RECK: variants seen among roughly 807,000 people sequenced by gnomAD.
The protein encoded by RECK is reversion-inducing cysteine-rich protein with Kazal motifs.
RECK carries 69 observed loss-of-function variants against 115.1 expected under a neutral mutation model. The ratio of observed to expected loss-of-function variants is 0.60; its 90% CI spans 0.49 to 0.73. RECK has a LOEUF of 0.73. RECK is among the 30% of genes least tolerant of loss of function. The pLI is 0.00. For missense variants in RECK, 1,047 were observed against 1,203.7 expected (o/e 0.87, Z 1.93); for synonymous variants, 414 against 419.7 (o/e 0.99, Z 0.17).
rs149865463 is a variant in RECK, at chr9:36,090,537, G to A, written c.906-627G>A. Among the ~76,000 whole-genome samples the A allele has an allele frequency of 5.3e-3, 807 of 152,238 alleles. 14 individuals carry two copies. Among genetic ancestry groups the A allele is most frequent in the African/African-American group, 0.019 (778 of 41,552 alleles). On this transcript the variant is annotated intron_variant, in intron 9 of 20. Transcript: ENST00000377966. ...AATAAAATGAATATCATGTGTGAGA[G>A]CACTTTAGAAATGGTATAAATGTTT...
chr9:36,059,207 A>T (rs1162242033), intron 3 of RECK, among the ~76,000 whole-genome samples: 1 of 152,162 alleles, frequency 6.6e-6, no homozygotes, highest in Non-Finnish European at 1.5e-5. Context: ...CTGTAATCCC[A>T]GCACTTTGGG....
intron 15 of RECK, among the ~76,000 whole-genome samples, 183 bp from the exon 16 acceptor site, chr9:36,112,122 C>CAAAAAAAAAA (rs58460262): frequency 1.4e-5 from 1 of 71,648 alleles, no homozygotes; most frequent in Non-Finnish European, 2.6e-5. Context: ...GACTCCATCT[C>CAAAAAAAAAA]AAAAAAAAAA....
At chr9:36,097,152 C>T (rs967308061) in intron 10 of RECK, among the ~76,000 whole-genome samples, 44 of 151,828 alleles carry the variant, frequency 2.9e-4, no homozygotes, top group African/African-American at 8.0e-4. Context: ...GGTGAAACCC[C>T]GTCTCTACTA....
In RECK at chr9:36,036,942, G is replaced by A. The variant is rs1820681791; in HGVS notation, c.-57G>A. ...GAGCGGCGGCGGTAGCGGCGGCAGC[G>A]GCTGCGGCCAAGCTGGGTCCGAGCA... On this transcript the variant is annotated 5_prime_UTR_variant, in exon 1 of 21. Coordinates refer to ENST00000377966, the MANE Select transcript of RECK (RefSeq NM_021111.3). 2.5e-6 allele frequency: 3 copies of A among 1,177,352 alleles called. No individual in the cohort carries two copies. Among genetic ancestry groups the A allele is most frequent in the Non-Finnish European group, 3.3e-6 (3 of 920,162 alleles). 72.9% of individuals were successfully genotyped at this position (1,177,352 alleles called of 1,614,324 possible).
intron 18 of RECK, among the ~76,000 whole-genome samples, chr9:36,119,344 A>G (rs969497981): frequency 2.0e-5 from 3 of 152,264 alleles, no homozygotes; most frequent in African/African-American, 7.2e-5. Flanking sequence ...AGTAGTTTTG[A>G]TGAACACAAA....
chr9:36,074,072 T>C (rs1391371766), intron 6 of RECK, among the ~76,000 whole-genome samples: 3 of 152,200 alleles, frequency 2.0e-5, no homozygotes, highest in African/African-American at 7.2e-5. Context: ...TCATTACCTC[T>C]ATTGAACTAG....
chr9:36,118,983 C>G lies in RECK; in HGVS notation c.2464+16C>G. ...ATCCCACCGGGTAGGCTGGCAGTATCGGGGTGGACAGGGGAGGACTGAGAA... is the reference window on the plus strand; with the variant it reads ...ATCCCACCGGGTAGGCTGGCAGTATGGGGGTGGACAGGGGAGGACTGAGAA... On this transcript the variant is annotated intron_variant, in intron 18 of 20. Transcript: ENST00000377966. 1 of 1,609,656 alleles carries G rather than the reference C, an allele frequency of 6.2e-7. No individual in the cohort carries two copies. Among genetic ancestry groups the G allele is most frequent in the Admixed American group, 1.7e-5 (1 of 59,948 alleles).
At chr9:36,050,249 A>G (rs1174353092) in intron 1 of RECK, among the ~76,000 whole-genome samples, 2 of 151,966 alleles carry the variant, frequency 1.3e-5, no homozygotes, top group Admixed American at 6.6e-5. Flanking sequence ...ATTTCTGATC[A>G]TCTCTCTCTC....
chr9:36,053,781 T>C (rs1463093158), intron 2 of RECK, among the ~76,000 whole-genome samples: 1 of 152,222 alleles, frequency 6.6e-6, no homozygotes, highest in Non-Finnish European at 1.5e-5. Context: ...AAATCTGGAA[T>C]GCTAGAAATT....
intron 6 of RECK, among the ~76,000 whole-genome samples, chr9:36,076,701 T>G (rs1475399038): frequency 1.3e-5 from 2 of 152,122 alleles, no homozygotes; most frequent in African/African-American, 4.8e-5. Flanking sequence ...AGAGGAAAGA[T>G]TTTAGGATCA....
chr9:36,057,333 T>C (rs995977008), intron 2 of RECK, among the ~76,000 whole-genome samples: 1 of 152,196 alleles, frequency 6.6e-6, no homozygotes, highest in African/African-American at 2.4e-5. Context: ...ATCTTTTTTT[T>C]CTTCCTTCTC....
chr9:36,121,498 C>CT (rs565423537), intron 19 of RECK, 35 bp from the exon 20 acceptor site: 982 of 1,597,414 alleles, frequency 6.1e-4, no homozygotes, highest in Non-Finnish European at 8.0e-4. Flanking sequence ...AGGAATTCTT[C>CT]TTTTTTTCAG....
At chr9:36,087,209 C>A (rs900839078) in intron 8 of RECK, among the ~76,000 whole-genome samples, 22 of 152,164 alleles carry the variant, frequency 1.4e-4, no homozygotes, top group African/African-American at 4.8e-4. Context: ...TATTGCAGCA[C>A]TATTCACAGT....
intron 1 of RECK, among the ~76,000 whole-genome samples, chr9:36,044,177 C>T (rs556717907): frequency 1.3e-5 from 2 of 150,866 alleles, no homozygotes; most frequent in African/African-American, 2.4e-5. Context: ...TTGTAGAATT[C>T]TTTCACCTCC....
At chr9:36,111,858 A>G (rs757472937) in intron 15 of RECK, among the ~76,000 whole-genome samples, 1 of 152,002 alleles carries the variant, frequency 6.6e-6, no homozygotes, top group Non-Finnish European at 1.5e-5. Flanking sequence ...ATCAAAGTCT[A>G]GGGGGCCCTC....
In RECK at chr9:36,121,696, C is replaced by T; in HGVS notation, c.2694+8C>T. The T allele has an allele frequency of 6.2e-7, 1 of 1,613,056 alleles. No homozygotes were observed. The highest frequency in any genetic ancestry group is 8.5e-7 in the Non-Finnish European group (1 of 1,179,402). On this transcript the variant is annotated splice_region_variant and intron_variant, in intron 20 of 20. Coordinates refer to ENST00000377966, the MANE Select transcript of RECK (RefSeq NM_021111.3). ...TATCCAAAAGCTCTGCAGGTGAGTT[C>T]AGCACATGTTGTGAAGCCATCTTGT...
Position 36,118,866 on chromosome 9 carries a change from A to C in RECK, c.2363A>C (p.Gln788Pro). The stretch of plus-strand genomic sequence containing the variant: ...GCAGTCGATTACTATGGGGACTGCC[A>C]GGCCGTCGGAGTCCTCTCAGAGCAC... ...RVAVDYYGDC[Q>P]AVGVLSEHSS... The change falls in exon 18 of 21, where the codon CAG (glutamine) becomes CCG (proline). Residue 788 changes from glutamine to proline, a missense_variant. Physicochemically the swap from Gln to Pro is moderately conservative, Grantham distance 76. Transcript: ENST00000377966. The C allele has an allele frequency of 1.9e-6, 3 of 1,614,062 alleles. No individual in the cohort carries two copies. Among genetic ancestry groups the C allele is most frequent in the Non-Finnish European group, 2.5e-6 (3 of 1,180,032 alleles).
chr9:36,089,266 A>T (rs1823074518), intron 9 of RECK, among the ~76,000 whole-genome samples: 1 of 152,116 alleles, frequency 6.6e-6, no homozygotes, highest in Non-Finnish European at 1.5e-5. Flanking sequence ...GAGTCACTAG[A>T]GGTTGGAATG....
chr9:36,067,021 C>T (rs1349480541), intron 6 of RECK, among the ~76,000 whole-genome samples: 1 of 152,082 alleles, frequency 6.6e-6, no homozygotes, highest in Non-Finnish European at 1.5e-5. Context: ...AAAAGTTGAT[C>T]CCACAAATTC....
Sources: allele counts gnomAD v4.1 joint callset (sites outside exome capture counted in the v4.1 genomes callset), GRCh38; gene constraint gnomAD v4.1.1; transcripts MANE v1.5; gene names NCBI Gene and HGNC (gene_info 2026-07-23, HGNC 2026-07-21).